SORBS2: variants seen among roughly 807,000 people sequenced by gnomAD.
SORBS2 encodes the protein sorbin and SH3 domain containing 2.
In SORBS2, 46 loss-of-function variants were observed where a neutral mutation model predicts 97.7. The ratio of observed to expected loss-of-function variants is 0.47; its 90% CI spans 0.37 to 0.60. The LOEUF (loss-of-function observed/expected upper bound fraction) is 0.60, where lower values mean the gene tolerates loss of function less well. Ranked by LOEUF, SORBS2 falls within the 20% of genes least tolerant of loss-of-function variation. The pLI is 0.00. For missense variants in SORBS2, 1,316 were observed against 1,282.3 expected, an observed-to-expected ratio of 1.03 and a Z score of -0.40; for synonymous variants, 476 against 473.4, an observed-to-expected ratio of 1.01 and a Z score of -0.07.
intron 1 of SORBS2, among the ~76,000 whole-genome samples, chr4:185,917,372 G>T (rs1579486267): frequency 6.6e-6 from 1 of 152,156 alleles, no homozygotes; most frequent in Non-Finnish European, 1.5e-5. Context: ...GACTATAGGT[G>T]CAAGCCACCA....
intron 2 of SORBS2, among the ~76,000 whole-genome samples, chr4:185,769,802 T>G (rs1320154714): frequency 6.6e-6 from 1 of 152,184 alleles, no homozygotes; most frequent in East Asian, 1.9e-4. Context: ...ATACTACTAT[T>G]TTTTAAACAG....
In SORBS2 at chr4:185,684,529, A is replaced by C. The variant is rs1306403395; in HGVS notation, c.-197-5707T>G. 6.6e-6 allele frequency among the ~76,000 whole-genome samples: 1 copy of C among 152,048 alleles called. No homozygotes were observed. The highest frequency in any genetic ancestry group is 1.5e-5 in the Non-Finnish European group (1 of 67,998). On this transcript the variant is annotated intron_variant, in intron 2 of 20. Coordinates refer to the SORBS2 transcript ENST00000284776. The surrounding 1 kb of genome is among the most constrained non-coding windows in gnomAD (Gnocchi z 4.2). ...CCAAAACCTCTGAGTTATCTTAATG[A>C]AATATTATGCTACTTAAGTTCATGA...
At chr4:185,618,655 G>C in intron 8 of SORBS2, 24 bp from the exon 21 acceptor site, 1 of 1,488,254 alleles carries the variant, frequency 6.7e-7, no homozygotes, top group Non-Finnish European at 9.1e-7. Context: ...TAAACAATTA[G>C]CACTAATTTA....
chr4:185,855,427 C>T (rs1327297842), intron 1 of SORBS2, among the ~76,000 whole-genome samples: 1 of 152,090 alleles, frequency 6.6e-6, no homozygotes, highest in East Asian at 1.9e-4. Context: ...GCAGACATAG[C>T]AAACATAAGC....
rs547848664 is a variant in SORBS2 at position 185,912,128 on chromosome 4, C to A, written c.-338+44068G>T. ...TGCACAAAATGCATGTTTAAATAAC[C>A]CTAAAAAACTCTTTCAGTAAGTGTA... On this transcript the variant is annotated intron_variant, in intron 1 of 20. Transcript: ENST00000284776. Among the ~76,000 whole-genome samples the A allele has an allele frequency of 2.6e-5, 4 of 151,964 alleles. No individual in the cohort carries two copies. In the South Asian group the frequency reaches 6.3e-4, roughly 24 times the overall value.
chr4:185,841,680 C>G (rs1174659646), intron 1 of SORBS2, among the ~76,000 whole-genome samples: 1 of 152,224 alleles, frequency 6.6e-6, no homozygotes, highest in Non-Finnish European at 1.5e-5. Context: ...CTGAGAATCT[C>G]TGGTGCTGTA....
At chr4:185,924,670 G>A (rs1167767483) in intron 1 of SORBS2, among the ~76,000 whole-genome samples, 1 of 152,178 alleles carries the variant, frequency 6.6e-6, no homozygotes, top group African/African-American at 2.4e-5. Flanking sequence ...CGGGCTATGT[G>A]AATGACATGC....
At chr4:185,691,794 G>A (rs1415101881) in intron 2 of SORBS2, among the ~76,000 whole-genome samples, 1 of 152,136 alleles carries the variant, frequency 6.6e-6, no homozygotes, top group Non-Finnish European at 1.5e-5. Context: ...GCCCAGGCTG[G>A]AGTGCAGTGG....
intron 2 of SORBS2, among the ~76,000 whole-genome samples, chr4:185,725,251 A>AAATTG (rs2098547594): frequency 6.6e-6 from 1 of 152,218 alleles, no homozygotes; most frequent in Admixed American, 6.5e-5. Context: ...AAAAGGATGG[A>AAATTG]AATTATCCTG....
At chr4:185,943,787 T>C in intron 1 of SORBS2, among the ~76,000 whole-genome samples, 1 of 152,226 alleles carries the variant, frequency 6.6e-6, no homozygotes, top group East Asian at 1.9e-4. Context: ...TATTATAAAA[T>C]TGAGGCCATG....
chr4:185,694,652 G>A, intron 2 of SORBS2, among the ~76,000 whole-genome samples: 1 of 150,468 alleles, frequency 6.6e-6, no homozygotes, highest in Non-Finnish European at 1.5e-5. Flanking sequence ...CGGGTCTATA[G>A]TCTTTTAATT....
chr4:185,853,950 G>T (rs374141795), intron 1 of SORBS2, among the ~76,000 whole-genome samples: 2 of 152,166 alleles, frequency 1.3e-5, no homozygotes, highest in Non-Finnish European at 2.9e-5. Context: ...ATGTTACTCT[G>T]GTTACTTATA....
chr4:185,748,345 A>T (rs1267766500), intron 2 of SORBS2, among the ~76,000 whole-genome samples: 6 of 152,182 alleles, frequency 3.9e-5, no homozygotes, highest in African/African-American at 1.4e-4. Flanking sequence ...AGAATTTTCA[A>T]TCATGCTGGT....
chr4:185,720,015 C>A (rs978199651), intron 2 of SORBS2, among the ~76,000 whole-genome samples: 5 of 152,238 alleles, frequency 3.3e-5, no homozygotes, highest in African/African-American at 1.2e-4. Flanking sequence ...GCCTTAAAGG[C>A]AAGAGGTGCC....
chr4:185,712,722 C>G (rs949106018), intron 2 of SORBS2, among the ~76,000 whole-genome samples: 2 of 152,198 alleles, frequency 1.3e-5, no homozygotes, highest in Non-Finnish European at 2.9e-5. Flanking sequence ...AAGCGGCCAG[C>G]GGGTTCCAGC....
intron 1 of SORBS2, among the ~76,000 whole-genome samples, chr4:185,948,002 T>C (rs529621680): frequency 1.4e-4 from 21 of 152,228 alleles, no homozygotes; most frequent in Admixed American, 2.6e-4. Context: ...TAATCAAATA[T>C]ATTATGAATT....
intron 1 of SORBS2, among the ~76,000 whole-genome samples, chr4:185,929,727 G>A (rs1446465645): frequency 6.6e-6 from 1 of 151,924 alleles, no homozygotes; most frequent in African/African-American, 2.4e-5. Context: ...GTAGAGTTGG[G>A]GTTTCACCAT....
intron 1 of SORBS2, among the ~76,000 whole-genome samples, chr4:185,949,466 C>G (rs943654257): frequency 6.6e-6 from 1 of 151,994 alleles, no homozygotes; most frequent in African/African-American, 2.4e-5. Flanking sequence ...ACATAAAAAT[C>G]AAGTCATCAA....
intron 1 of SORBS2, among the ~76,000 whole-genome samples, chr4:185,893,737 C>T (rs2099243628): frequency 6.6e-6 from 1 of 152,112 alleles, no homozygotes; most frequent in Non-Finnish European, 1.5e-5. Flanking sequence ...GCTAGGGGTT[C>T]CCCGGGGGAG....
Sources: gnomAD v4.1 joint callset for allele counts (sites outside exome capture counted in the v4.1 genomes callset) on GRCh38, gnomAD v4.1.1 for gene constraint, Gnocchi (gnomAD v3.1) non-coding constraint, MANE v1.5 for transcripts, NCBI Gene and HGNC (gene_info 2026-07-23, HGNC 2026-07-21) for gene names.